The following SYT7 variants were observed in gnomAD, a reference collection of about 807,000 sequenced individuals.
SYT7 encodes the protein synaptotagmin-7.
SYT7 carries 29 observed loss-of-function variants against 75.1 expected under a neutral mutation model. That is an observed-to-expected ratio of 0.39 (90% CI 0.29 to 0.53). The LOEUF is 0.53. Among genes scored for constraint, SYT7 ranks in the 20% least tolerant of loss-of-function variants. The probability of loss-of-function intolerance (pLI) is 0.77; values close to 1 mark genes in which losing one functional copy is unlikely to be tolerated. For missense variants in SYT7, 693 were observed against 953.2 expected, an observed-to-expected ratio of 0.73 and a Z score of 3.59; for synonymous variants, 376 against 401.7, an observed-to-expected ratio of 0.94 and a Z score of 0.76.
At chr11:61,567,861 G>A (rs1233930031) in intron 1 of SYT7, among the ~76,000 whole-genome samples, 1 of 152,222 alleles carries the variant, frequency 6.6e-6, no homozygotes, top group Admixed American at 6.5e-5. Flanking sequence ...GGCGTTGCCC[G>A]ACACCCGCAC....
chr11:61,538,109 C>T lies in SYT7; in HGVS notation c.1064+35G>A, dbSNP rs770404335. The T allele has an allele frequency of 3.9e-6, 6 of 1,521,956 alleles. No homozygotes were observed. The South Asian group carries it at 6.0e-5, about 15-fold the overall frequency. The allele number at this position is 1,521,956 out of a possible 1,614,324, so 94.3% of individuals were successfully genotyped here. Reference sequence around the variant, plus strand: ...CGGCCTCTCCGCGCCTCCTTCTCTGCCGCCGCCGCCGCAGGCCCTCGCCTG... The same window carrying T: ...CGGCCTCTCCGCGCCTCCTTCTCTGTCGCCGCCGCCGCAGGCCCTCGCCTG... On this transcript the variant is annotated intron_variant, in intron 7 of 12. Coordinates refer to ENST00000539008, the MANE Select transcript of SYT7 (RefSeq NM_001365809.2).
intron 1 of SYT7, among the ~76,000 whole-genome samples, chr11:61,575,165 G>C (rs938341695): frequency 2.6e-5 from 4 of 152,018 alleles, no homozygotes; most frequent in Admixed American, 1.3e-4. Context: ...ACTGGGGCTA[G>C]AGTTCAGACC....
intron 12 of SYT7, among the ~76,000 whole-genome samples, chr11:61,521,596 G>C (rs2062335420): frequency 6.6e-6 from 1 of 152,150 alleles, no homozygotes; most frequent in Admixed American, 6.5e-5. Flanking sequence ...CCTCTTTTAG[G>C]CCAGGCTGCT....
intron 1 of SYT7, among the ~76,000 whole-genome samples, chr11:61,568,898 GT>G (rs1014523395): frequency 1.3e-5 from 2 of 152,236 alleles, no homozygotes; most frequent in African/African-American, 4.8e-5. Flanking sequence ...GGAGAGCAAA[GT>G]ATGGCTCCAA....
In SYT7 at chr11:61,542,131, C is replaced by T; in HGVS notation, c.941+80G>A. ...TGGAGGGCCGGGAGGTACACACAACCAGCTGCTCCCAAGGAGATCTGGGGG... is the reference window on the plus strand; with the variant it reads ...TGGAGGGCCGGGAGGTACACACAACTAGCTGCTCCCAAGGAGATCTGGGGG... On this transcript the variant is annotated intron_variant, in intron 6 of 12. Transcript: ENST00000539008. The surrounding 1 kb of genome is among the most constrained non-coding windows in gnomAD (Gnocchi z 7.8). 6.8e-7 allele frequency: 1 copy of T among 1,469,458 alleles called. No individual in the cohort carries two copies. Among genetic ancestry groups the T allele is most frequent in the Non-Finnish European group, 9.0e-7 (1 of 1,114,988 alleles). 91.0% of individuals were successfully genotyped at this position (1,469,458 alleles called of 1,614,324 possible).
chr11:61,517,810 G>A lies in SYT7; in HGVS notation c.*817C>T. On this transcript the variant is annotated 3_prime_UTR_variant, in exon 13 of 13. Transcript: ENST00000539008. ...AATTGCTGAGGAGGGAACTACTTCA[G>A]ATTCTGAGCAGAGGGGGGCACCAAG... The A allele has an allele frequency of 3.0e-6, 1 of 332,860 alleles. No individual in the cohort carries two copies. Among genetic ancestry groups the A allele is most frequent in the Non-Finnish European group, 5.4e-6 (1 of 185,652 alleles). The allele number at this position is 332,860 out of a possible 1,614,324, so 20.6% of individuals were successfully genotyped here.
At chr11:61,568,402 T>A (rs1030089456) in intron 1 of SYT7, among the ~76,000 whole-genome samples, 4 of 152,210 alleles carry the variant, frequency 2.6e-5, no homozygotes, top group Non-Finnish European at 2.9e-5. Context: ...TAGACATAGC[T>A]GGTATGTATC....
chr11:61,531,658 C>T (rs1192079397), intron 8 of SYT7, among the ~76,000 whole-genome samples: 1 of 151,884 alleles, frequency 6.6e-6, no homozygotes, highest in Non-Finnish European at 1.5e-5. Flanking sequence ...CTTTGGGAGG[C>T]CGAGGCAGGT....
intron 3 of SYT7, among the ~76,000 whole-genome samples, 195 bp from the exon 4 acceptor site, chr11:61,547,503 C>T (rs958224826): frequency 9.2e-5 from 14 of 152,130 alleles, no homozygotes; most frequent in African/African-American, 2.2e-4. Flanking sequence ...CACGCATACA[C>T]GCACACGCAC....
intron 1 of SYT7, among the ~76,000 whole-genome samples, chr11:61,556,974 C>T (rs2063516482): frequency 6.7e-6 from 1 of 149,250 alleles, no homozygotes; most frequent in Admixed American, 6.6e-5. Context: ...AAGTGGAAAC[C>T]TTGGCACCCT....
intron 1 of SYT7, among the ~76,000 whole-genome samples, chr11:61,556,415 G>C (rs2063503247): frequency 6.6e-6 from 1 of 152,200 alleles, no homozygotes; most frequent in Non-Finnish European, 1.5e-5. Context: ...CTGTAAAATG[G>C]GGAAACTGTG....
At chr11:61,557,946 A>G (rs2063539709) in intron 1 of SYT7, among the ~76,000 whole-genome samples, 1 of 152,218 alleles carries the variant, frequency 6.6e-6, no homozygotes, top group African/African-American at 2.4e-5. Context: ...CCCACGGCCC[A>G]TGGCCAGGAC....
At chr11:61,584,862 C>T (rs2064353427), upstream of SYT7, among the ~76,000 whole-genome samples, 1 of 152,236 alleles carries the variant, frequency 6.6e-6, no homozygotes, top group Non-Finnish European at 1.5e-5. Context: ...GGGCATTCAG[C>T]TTCTCCCCTT....
intron 1 of SYT7, among the ~76,000 whole-genome samples, chr11:61,573,834 C>T (rs1182156391): frequency 6.6e-6 from 1 of 152,246 alleles, no homozygotes; most frequent in Admixed American, 6.5e-5. Flanking sequence ...TCTTATTCTT[C>T]CTTCAGGACT....
rs750635278 is a variant in SYT7 at position 61,523,198 on chromosome 11, G to T, written c.1833C>A (p.Asn611Lys). The change falls in exon 12 of 13, where the codon AAC (asparagine) becomes AAA (lysine). Residue 611 changes from asparagine (N) to lysine (K), a missense_variant. Asn to Lys is a moderately conservative substitution (Grantham distance 94, BLOSUM62 0). Coordinates refer to ENST00000539008, the MANE Select transcript of SYT7 (RefSeq NM_001365809.2). The surrounding 1 kb of genome is among the most constrained non-coding windows in gnomAD (Gnocchi z 5.0). ...AGGACTCATTGAAGATGGGGTTCAG[G>T]TTCCTCTTCATCGTCACCGTCTTCT... ...EKKKTVTMKR[N>K]LNPIFNESFA... 1.2e-6 allele frequency: 2 copies of T among 1,614,082 alleles called. No individual in the cohort carries two copies. Among genetic ancestry groups the T allele is most frequent in the African/African-American group, 1.3e-5 (1 of 74,910 alleles).
intron 3 of SYT7, among the ~76,000 whole-genome samples, 164 bp from the exon 4 acceptor site, chr11:61,547,472 G>A (rs1590893072): frequency 6.6e-6 from 1 of 152,170 alleles, no homozygotes; most frequent in Admixed American, 6.5e-5. Flanking sequence ...GGCGGGCACC[G>A]CAGTCTGTGC....
intron 1 of SYT7, among the ~76,000 whole-genome samples, chr11:61,568,844 T>C (rs1473270061): frequency 1.3e-5 from 2 of 152,206 alleles, no homozygotes; most frequent in Admixed American, 1.3e-4. Context: ...CCTCATGATC[T>C]TGAGGGGTGA....
At chr11:61,540,782 T>G in intron 6 of SYT7, 1 of 985,488 alleles carries the variant, frequency 1.0e-6, no homozygotes, top group Non-Finnish European at 1.2e-6. Flanking sequence ...CAGCAGGCTC[T>G]CAGTCCTGTT....
At chr11:61,536,361 C>T (rs1469306360) in intron 7 of SYT7, among the ~76,000 whole-genome samples, 4 of 152,186 alleles carry the variant, frequency 2.6e-5, no homozygotes, top group Non-Finnish European at 5.9e-5. Flanking sequence ...GATGTGAAAT[C>T]TCGTTTCCAG....
Sources: allele counts gnomAD v4.1 joint callset (sites outside exome capture counted in the v4.1 genomes callset), GRCh38; gene constraint gnomAD v4.1.1; non-coding constraint Gnocchi (gnomAD v3.1); transcripts MANE v1.5; gene names NCBI Gene and HGNC (gene_info 2026-07-23, HGNC 2026-07-21).